DPP10: variants seen among roughly 807,000 people sequenced by gnomAD.
DPP10 encodes dipeptidyl peptidase like 10.
DPP10 carries 33 observed loss-of-function variants against 120.9 expected under a neutral mutation model. That is an observed-to-expected ratio of 0.27 (90% CI 0.21 to 0.37). DPP10 has a LOEUF of 0.37. DPP10 is among the 10% of genes least tolerant of loss of function. The pLI is 1.00. For missense variants in DPP10, 816 were observed against 942.8 expected (o/e 0.87, Z 1.76); for synonymous variants, 337 against 326.1 (o/e 1.03, Z -0.36).
intron 3 of DPP10, among the ~76,000 whole-genome samples, chr2:115,390,443 G>A (rs2067243180): frequency 1.3e-5 from 2 of 152,156 alleles, no homozygotes; most frequent in Non-Finnish European, 1.5e-5. Flanking sequence ...TGAGTCAACA[G>A]GCTTTCTCTA....
intron 5 of DPP10, among the ~76,000 whole-genome samples, chr2:115,543,143 G>C (rs1049331298): frequency 2.0e-5 from 3 of 151,960 alleles, no homozygotes; most frequent in Non-Finnish European, 4.4e-5. Flanking sequence ...ATAGCACCTC[G>C]TATGAATCAG....
chr2:114,909,179 G>C (rs550296902), intron 1 of DPP10, among the ~76,000 whole-genome samples: 121 of 151,982 alleles, frequency 8.0e-4, no homozygotes, highest in African/African-American at 2.8e-3. Flanking sequence ...CCACCTATCA[G>C]CTATGAGAAC....
chr2:115,511,731 C>CTT lies in DPP10; in HGVS notation c.366+12140_366+12141dup, dbSNP rs61236857. 1.1e-3 allele frequency among the ~76,000 whole-genome samples: 94 copies of CTT among 82,602 alleles called. 1 individual carries two copies. The highest frequency in any genetic ancestry group is 3.1e-3 in the African/African-American group (51 of 16,628). The allele number at this position is 82,602 out of a possible 152,430, so 54.2% of individuals were successfully genotyped here. ...TCTTCTTCTTCTTCTTCTTCTTCTT[C>CTT]TTTTTTTTTTTTTTGACACAGGGTC... is the stretch of plus-strand genomic sequence containing the variant. On this transcript the variant is annotated intron_variant, in intron 4 of 25. Transcript: ENST00000410059.
At chr2:115,494,022 C>T (rs1335515183) in intron 3 of DPP10, among the ~76,000 whole-genome samples, 1 of 152,106 alleles carries the variant, frequency 6.6e-6, no homozygotes, top group Non-Finnish European at 1.5e-5. Flanking sequence ...AACATTGGCT[C>T]AATGCAACCT....
rs73946168 is a variant in DPP10 at position 114,485,209 on chromosome 2, A to G, written c.60+42371A>G. On this transcript the variant is annotated intron_variant, in intron 1 of 25. Coordinates refer to ENST00000410059, the MANE Select transcript of DPP10 (RefSeq NM_020868.6). ...CGTTGTCAAAAGACAAAATTACAAC[A>G]AACTTAGTTATAGTTCTTTCTTACT... Among the ~76,000 whole-genome samples the G allele has an allele frequency of 2.7e-3, 407 of 152,276 alleles. 1 individual carries two copies. The highest frequency in any genetic ancestry group is 9.6e-3 in the African/African-American group (399 of 41,566).
intron 3 of DPP10, among the ~76,000 whole-genome samples, chr2:115,362,730 AC>A (rs2064860783): frequency 6.6e-6 from 1 of 152,214 alleles, no homozygotes; most frequent in South Asian, 2.1e-4. Context: ...AGTTGAAGCT[AC>A]TGTTTTAATT....
chr2:114,600,101 A>G (rs985964857), intron 1 of DPP10, among the ~76,000 whole-genome samples: 1 of 151,518 alleles, frequency 6.6e-6, no homozygotes, highest in Admixed American at 6.6e-5. Flanking sequence ...TTAAGCCACC[A>G]TATCTTTGGA....
chr2:114,968,112 C>T (rs1022776403), intron 1 of DPP10, among the ~76,000 whole-genome samples: 1 of 152,156 alleles, frequency 6.6e-6, no homozygotes, highest in Admixed American at 6.5e-5. Flanking sequence ...AAATTTGAGC[C>T]TGCTTTACCT....
At chr2:114,874,373 A>G (rs981627677) in intron 1 of DPP10, among the ~76,000 whole-genome samples, 3 of 152,136 alleles carry the variant, frequency 2.0e-5, no homozygotes, top group African/African-American at 7.2e-5. Context: ...AATAGGTGTG[A>G]CAAAAGCATC....
rs1028420979 is a variant in DPP10 at position 114,770,060 on chromosome 2, G to A, written c.60+327222G>A. Among the ~76,000 whole-genome samples the A allele has an allele frequency of 2.6e-5, 4 of 152,126 alleles. No homozygotes were observed. In the East Asian group the frequency reaches 7.7e-4, roughly 29 times the overall value. On this transcript the variant is annotated intron_variant, in intron 1 of 25. Coordinates refer to ENST00000410059, the MANE Select transcript of DPP10 (RefSeq NM_020868.6). ...CCTAATCCCATGTGCACAGCAGGAT[G>A]GTTTTAAAAGATGCCATTTTGTTGT...
intron 1 of DPP10, among the ~76,000 whole-genome samples, chr2:114,999,795 C>T (rs1198116962): frequency 1.3e-5 from 2 of 152,146 alleles, no homozygotes; most frequent in African/African-American, 4.8e-5. Context: ...GAAGATGCTG[C>T]ATCTTGTTTT....
chr2:115,469,651 C>T (rs1484514243), intron 3 of DPP10, among the ~76,000 whole-genome samples: 1 of 152,150 alleles, frequency 6.6e-6, no homozygotes, highest in African/African-American at 2.4e-5. Flanking sequence ...GTAATCCGAG[C>T]ACTTTGGGAG....
intron 1 of DPP10, among the ~76,000 whole-genome samples, chr2:114,517,472 A>T (rs1431080773): frequency 6.6e-6 from 1 of 151,270 alleles, no homozygotes; most frequent in Non-Finnish European, 1.5e-5. Context: ...GTGAGCTGAG[A>T]TCACGCCACT....
At chr2:115,380,165 CATT>C (rs1316951755) in intron 3 of DPP10, among the ~76,000 whole-genome samples, 3 of 152,114 alleles carry the variant, frequency 2.0e-5, no homozygotes, top group Admixed American at 6.6e-5. Flanking sequence ...TAAAGTCTCT[CATT>C]ATTAATGTGT....
intron 5 of DPP10, among the ~76,000 whole-genome samples, chr2:115,578,227 T>C (rs2081800017): frequency 6.6e-6 from 1 of 152,258 alleles, no homozygotes; most frequent in East Asian, 1.9e-4. Flanking sequence ...CTTCACAGTA[T>C]AATCTCATTT....
At chr2:114,695,158 A>G (rs538953088) in intron 1 of DPP10, among the ~76,000 whole-genome samples, 17 of 152,190 alleles carry the variant, frequency 1.1e-4, no homozygotes, top group African/African-American at 1.7e-4. Context: ...GATAGGATCA[A>G]AGACAAAGAG....
At chr2:114,850,649 T>C (rs1037634529) in intron 1 of DPP10, among the ~76,000 whole-genome samples, 25 of 152,124 alleles carry the variant, frequency 1.6e-4, no homozygotes, top group African/African-American at 5.3e-4. Flanking sequence ...TGGAGGACAC[T>C]TAAGTTGCTC....
chr2:115,035,581 C>T (rs368461002), intron 1 of DPP10, among the ~76,000 whole-genome samples: 1 of 152,180 alleles, frequency 6.6e-6, no homozygotes, highest in East Asian at 1.9e-4. Flanking sequence ...TTACATTTCA[C>T]TTTCTCAGCC....
intron 1 of DPP10, among the ~76,000 whole-genome samples, chr2:115,072,611 G>A (rs1387986764): frequency 6.6e-6 from 1 of 152,112 alleles, no homozygotes; most frequent in Non-Finnish European, 1.5e-5. Context: ...ACCCACATGT[G>A]TGCCTACATA....
Sources: gnomAD v4.1 joint callset for allele counts (sites outside exome capture counted in the v4.1 genomes callset) on GRCh38, gnomAD v4.1.1 for gene constraint, MANE v1.5 for transcripts, NCBI Gene and HGNC (gene_info 2026-07-23, HGNC 2026-07-21) for gene names.